Variants in SIN3A observed in about 807,000 individuals in gnomAD.
SIN3A encodes paired amphipathic helix protein Sin3a.
Under a neutral mutation model 146.1 loss-of-function variants are expected in SIN3A, and 14 were observed. That is an observed-to-expected ratio of 0.10 (90% CI 0.06 to 0.15). The LOEUF (loss-of-function observed/expected upper bound fraction) is 0.15. Among genes scored for constraint, SIN3A ranks in the 10% least tolerant of loss-of-function variants. SIN3A has a pLI of 1.00. For synonymous variants in SIN3A, 572 were observed against 572.0 expected, an observed-to-expected ratio of 1.00 and a Z score of 0.00; for missense variants, 1,028 against 1,576.0, an observed-to-expected ratio of 0.65 and a Z score of 5.89.
At chr15:75,404,910 G>A (rs370011967) in intron 9 of SIN3A, among the ~76,000 whole-genome samples, 5 of 151,830 alleles carry the variant, frequency 3.3e-5, no homozygotes, top group African/African-American at 7.2e-5. Context: ...TGCTGAGGCC[G>A]AAGGAGGAGG....
At chr15:75,433,738 G>A (rs1444134681) in intron 1 of SIN3A, among the ~76,000 whole-genome samples, 6 of 152,018 alleles carry the variant, frequency 3.9e-5, no homozygotes, top group African/African-American at 7.3e-5. Flanking sequence ...TGGACCGGGA[G>A]GCAGAGCTTG....
At chr15:75,391,716 T>A (rs182761792) in intron 15 of SIN3A, among the ~76,000 whole-genome samples, 87 of 152,286 alleles carry the variant, frequency 5.7e-4, no homozygotes, top group Non-Finnish European at 2.8e-4. Context: ...TACATCTTTA[T>A]CCCTGTCCTG....
At chr15:75,400,180 G>GA in intron 11 of SIN3A, 24 bp from the exon 12 acceptor site, 2 of 1,359,908 alleles carry the variant, frequency 1.5e-6, no homozygotes, top group Non-Finnish European at 2.1e-6. Flanking sequence ...AAGAGAGACT[G>GA]AAACAAAAGC....
At chr15:75,451,161 G>A (rs1373678291) in intron 1 of SIN3A, among the ~76,000 whole-genome samples, 2 of 149,268 alleles carry the variant, frequency 1.3e-5, no homozygotes, top group East Asian at 4.0e-4. Flanking sequence ...ACAATCGCAC[G>A]CGCGCGCCGG....
At chr15:75,438,855 T>C (rs1394353629) in intron 1 of SIN3A, among the ~76,000 whole-genome samples, 1 of 152,240 alleles carries the variant, frequency 6.6e-6, no homozygotes, top group African/African-American at 2.4e-5. Flanking sequence ...ATTAAGTCAA[T>C]GTAAACTTCA....
At chr15:75,390,028 T>C (rs2073168305) in intron 15 of SIN3A, among the ~76,000 whole-genome samples, 1 of 152,208 alleles carries the variant, frequency 6.6e-6, no homozygotes, top group South Asian at 2.1e-4. Flanking sequence ...ACTCTGCAAC[T>C]TTAACAGTGG....
intron 16 of SIN3A, among the ~76,000 whole-genome samples, chr15:75,384,976 C>T (rs1316306564): frequency 6.6e-6 from 1 of 152,142 alleles, no homozygotes; most frequent in Non-Finnish European, 1.5e-5. Context: ...GTGTTCAAAA[C>T]CAGCCTGGCT....
chr15:75,433,252 T>C (rs1188113820), intron 1 of SIN3A, among the ~76,000 whole-genome samples: 1 of 152,194 alleles, frequency 6.6e-6, no homozygotes, highest in Non-Finnish European at 1.5e-5. Flanking sequence ...ATTTTGGCCC[T>C]GTTTTCAAAC....
At chr15:75,442,264 C>T (rs1168069998) in intron 1 of SIN3A, among the ~76,000 whole-genome samples, 1 of 147,340 alleles carries the variant, frequency 6.8e-6, no homozygotes. Context: ...TTTTGGTGTA[C>T]AAATATCTTG....
intron 1 of SIN3A, among the ~76,000 whole-genome samples, chr15:75,448,401 G>A (rs1032422111): frequency 6.6e-6 from 1 of 151,596 alleles, no homozygotes; most frequent in Non-Finnish European, 1.5e-5. Context: ...GGCTGAGGCA[G>A]GACAATCGCT....
At chr15:75,403,577 G>C (rs763310257) in intron 9 of SIN3A, among the ~76,000 whole-genome samples, 18 of 144,138 alleles carry the variant, frequency 1.2e-4, no homozygotes, top group Non-Finnish European at 2.4e-4. Flanking sequence ...TTTCACTATT[G>C]TTGTCCTGGC....
At chr15:75,436,185 A>G (rs551343326) in intron 1 of SIN3A, among the ~76,000 whole-genome samples, 1 of 151,930 alleles carries the variant, frequency 6.6e-6, no homozygotes, top group African/African-American at 2.4e-5. Flanking sequence ...AAAACATGCT[A>G]GCCACGCACA....
chr15:75,445,410 C>G (rs1176728160), intron 1 of SIN3A, among the ~76,000 whole-genome samples: 3 of 139,718 alleles, frequency 2.1e-5, no homozygotes, highest in Non-Finnish European at 4.6e-5. Context: ...AAAAAATTAG[C>G]CAGGCATGGT....
intron 16 of SIN3A, among the ~76,000 whole-genome samples, chr15:75,386,461 C>G (rs570925480): frequency 1.3e-5 from 2 of 152,322 alleles, no homozygotes; most frequent in Admixed American, 6.5e-5. Flanking sequence ...CTCCCACCCC[C>G]ACTGCTAAGC....
chr15:75,405,614 G>C (rs931252861), intron 9 of SIN3A, among the ~76,000 whole-genome samples: 6 of 151,890 alleles, frequency 4.0e-5, no homozygotes, highest in African/African-American at 1.5e-4. Context: ...AGCTGGGCAC[G>C]GTAGTAGGCG....
chr15:75,434,235 C>T (rs2074062674), intron 1 of SIN3A, among the ~76,000 whole-genome samples: 1 of 152,186 alleles, frequency 6.6e-6, no homozygotes. Flanking sequence ...CCTAATAAAG[C>T]AGAAATGCTT....
intron 1 of SIN3A, among the ~76,000 whole-genome samples, chr15:75,442,137 A>C (rs1051614617): frequency 2.0e-5 from 3 of 149,426 alleles, no homozygotes; most frequent in Non-Finnish European, 3.0e-5. Flanking sequence ...AAAAAAAAAA[A>C]AAAAAAAAAA....
At position 75,370,628 on chromosome 15, in the gene SIN3A, T is replaced by C. The variant is rs2072730832; in HGVS notation, c.*1351A>G. 1 of 152,180 alleles carries C rather than the reference T, an allele frequency of 6.6e-6. No homozygotes were observed. Among genetic ancestry groups the C allele is most frequent in the South Asian group, 2.1e-4 (1 of 4,834 alleles). 9.4% of individuals were successfully genotyped at this position (152,180 alleles called of 1,614,324 possible). ...GCACACTTTTTTTTCAAACACTGGT[T>C]TGGTATTTAAGTTGCTCACCCCCAT... On this transcript the variant is annotated 3_prime_UTR_variant, in exon 21 of 21. Coordinates refer to ENST00000394947, the MANE Select transcript of SIN3A (RefSeq NM_001145358.2).
chr15:75,421,139 A>G (rs1760355000), intron 3 of SIN3A: 2 of 152,252 alleles, frequency 1.3e-5, no homozygotes, highest in African/African-American at 4.8e-5. Flanking sequence ...CTATTTTGCA[A>G]CATTAAAGTA....
Sources: allele counts gnomAD v4.1 joint callset (sites outside exome capture counted in the v4.1 genomes callset), GRCh38; gene constraint gnomAD v4.1.1; transcripts MANE v1.5; gene names NCBI Gene and HGNC (gene_info 2026-07-23, HGNC 2026-07-21).